Variants in IGF2R observed in about 807,000 individuals in gnomAD.
IGF2R encodes insulin like growth factor 2 receptor.
IGF2R carries 91 observed loss-of-function variants against 270.6 expected under a neutral mutation model. The ratio of observed to expected loss-of-function variants is 0.34; its 90% CI spans 0.28 to 0.40. IGF2R has a LOEUF of 0.40. IGF2R is among the 10% of genes least tolerant of loss of function. The pLI is 1.00. For missense variants in IGF2R, 2,805 were observed against 3,188.3 expected (o/e 0.88, Z 2.90); for synonymous variants, 1,316 against 1,258.9 (o/e 1.05, Z -0.96).
Position 160,090,209 on chromosome 6 carries a change from A to G in IGF2R, c.6655+106A>G. On this transcript the variant is annotated intron_variant, in intron 44 of 47. Transcript: ENST00000356956. Reference sequence around the variant, plus strand: ...GTTGAAATCTCGGACCACTTTTAAAACAAAAACCTTGGTCTAATTCTTTAC... The same window carrying G: ...GTTGAAATCTCGGACCACTTTTAAAGCAAAAACCTTGGTCTAATTCTTTAC... 1.7e-5 allele frequency: 13 copies of G among 754,128 alleles called. No homozygotes were observed. The South Asian group carries it at 3.2e-4, about 18-fold the overall frequency. 46.7% of individuals were successfully genotyped at this position (754,128 alleles called of 1,614,324 possible).
In IGF2R at chr6:160,088,922, C is replaced by T. The variant is rs185534691; in HGVS notation, c.6321-185C>T. Among the ~76,000 whole-genome samples, 7 of 152,328 alleles carry T rather than the reference C, an allele frequency of 4.6e-5. No homozygotes were observed. In the East Asian group the frequency reaches 1.2e-3, roughly 25 times the overall value. The stretch of plus-strand genomic sequence containing the variant: ...CTCCGAGCTGCCGTCAGTGTTGAGT[C>T]GGGAAATTCTGCCTAGGCCTGCGCA... On this transcript the variant is annotated intron_variant, in intron 42 of 47. Coordinates refer to ENST00000356956, the MANE Select transcript of IGF2R (RefSeq NM_000876.4).
At chr6:160,034,627 A>G in intron 10 of IGF2R, 105 bp downstream of exon 10, 2 of 741,006 alleles carry the variant, frequency 2.7e-6, no homozygotes, top group East Asian at 2.6e-5. Context: ...TGGAGGAGTC[A>G]GATGCCCTCC....
At chr6:160,076,855 T>C (rs2115278983) in intron 36 of IGF2R, among the ~76,000 whole-genome samples, 1 of 152,332 alleles carries the variant, frequency 6.6e-6, no homozygotes, top group South Asian at 2.1e-4. Flanking sequence ...GGTGTGAGAA[T>C]TGCCTCTTAA....
chr6:160,060,980 A>G (rs1346384781), intron 23 of IGF2R, among the ~76,000 whole-genome samples: 1 of 152,212 alleles, frequency 6.6e-6, no homozygotes, highest in Non-Finnish European at 1.5e-5. Context: ...AGAACAGAGA[A>G]GAAAATGCAG....
chr6:159,984,415 A>G (rs1229003549), intron 1 of IGF2R, among the ~76,000 whole-genome samples: 1 of 152,134 alleles, frequency 6.6e-6, no homozygotes. Context: ...CTAGGCCTTT[A>G]GGTCCACTCA....
chr6:160,085,064 C>T lies in IGF2R; in HGVS notation c.6138C>T (p.Cys2046=). 1 of 1,614,044 alleles carries T rather than the reference C, an allele frequency of 6.2e-7. No individual in the cohort carries two copies. The highest frequency in any genetic ancestry group is 1.7e-5 in the Admixed American group (1 of 60,022). ...GCTGCTCTGAAAGGGCCAGCATTTG[C>T]AGAAGGACCACAACTGGTGACGTCC... ...PLGCSERASI[C]RRTTTGDVQV... is the part of the protein sequence containing the mutation. Residue 2046 remains cysteine, a synonymous_variant, in exon 41 of 48, where the codon TGC becomes TGT. Transcript: ENST00000356956.
intron 2 of IGF2R, chr6:160,007,384 T>A (rs1405492132): frequency 3.3e-5 from 5 of 152,220 alleles, no homozygotes; most frequent in Non-Finnish European, 1.5e-5. Context: ...TGGCTGACAC[T>A]TGGTATTTAA....
chr6:160,054,199 G>A (rs1378444961), intron 19 of IGF2R, among the ~76,000 whole-genome samples: 1 of 152,208 alleles, frequency 6.6e-6, no homozygotes, highest in African/African-American at 2.4e-5. Context: ...GAACAGGTTA[G>A]TCAAGTATAC....
At chr6:160,099,331 T>TTTATGTTATGTTATGTTATG (rs56981943) in intron 45 of IGF2R, among the ~76,000 whole-genome samples, 73 of 149,138 alleles carry the variant, frequency 4.9e-4, no homozygotes, top group East Asian at 1.6e-3. Context: ...TTTCCTCAGC[T>TTTATGTTATGTTATGTTATG]TTATGTTATG....
chr6:159,987,833 GA>G (rs1783911745), intron 1 of IGF2R, among the ~76,000 whole-genome samples: 1 of 152,362 alleles, frequency 6.6e-6, no homozygotes, highest in South Asian at 2.1e-4. Context: ...AGAACTCTGA[GA>G]TATTGGTGCC....
intron 41 of IGF2R, among the ~76,000 whole-genome samples, chr6:160,085,516 A>T (rs189148460): frequency 6.6e-6 from 1 of 152,370 alleles, no homozygotes; most frequent in East Asian, 1.9e-4. Flanking sequence ...GACTTGGTAC[A>T]GGTAGTTCAG....
At position 160,044,636 on chromosome 6, in the gene IGF2R, A is replaced by G. The variant is rs780666882; in HGVS notation, c.1744A>G (p.Ile582Val). Residue 582 changes from isoleucine to valine, a missense_variant, in exon 13 of 48, where the codon ATC becomes GTC. By Grantham distance (29) the Ile-to-Val change is conservative (BLOSUM62 3). Around this residue, in one of 2 missense-constraint regions of IGF2R, gnomAD observed 954 missense variants for 981.1 expected, o/e 0.97. Coordinates refer to ENST00000356956, the MANE Select transcript of IGF2R (RefSeq NM_000876.4). ...TCATGGCAAGAAAATTAAAACTAAT[A>G]TCACACTTGTATGCAAGCCAGGTAA... ...CGHGKKIKTN[I>V]TLVCKPGDLE... 2.5e-6 allele frequency: 4 copies of G among 1,606,234 alleles called. No homozygotes were observed. Among genetic ancestry groups the G allele is most frequent in the Admixed American group, 1.7e-5 (1 of 58,094 alleles).
rs771883188 is a variant in IGF2R at position 160,073,201 on chromosome 6, C to T, written c.4691-12C>T. On this transcript the variant is annotated splice_polypyrimidine_tract_variant and intron_variant, in intron 33 of 47. Transcript: ENST00000356956. ...GTGATTGTGTTTTCTCCGCCTTTCC[C>T]TTGTGGTGCAGGGGCCTGCTTTGGA... 3.7e-6 allele frequency: 6 copies of T among 1,609,964 alleles called. No homozygotes were observed. In the East Asian group the frequency reaches 6.7e-5, roughly 18 times the overall value.
chr6:160,010,487 T>G (rs906499185), intron 3 of IGF2R, 200 bp from the exon 4 acceptor site: 9 of 485,334 alleles, frequency 1.9e-5, no homozygotes, highest in African/African-American at 1.7e-4. Context: ...AATCCCAACA[T>G]GATTTTATGA....
At chr6:160,080,362 C>A (rs1778952281) in intron 39 of IGF2R, 87 bp downstream of exon 39, 1 of 1,289,574 alleles carries the variant, frequency 7.8e-7, no homozygotes, top group Non-Finnish European at 1.1e-6. Flanking sequence ...TGTGGATGCC[C>A]CAGTCAGTGG....
At chr6:160,014,276 T>A (rs1471306364) in intron 4 of IGF2R, among the ~76,000 whole-genome samples, 2 of 152,216 alleles carry the variant, frequency 1.3e-5, no homozygotes, top group African/African-American at 2.4e-5. Flanking sequence ...TAAAACAGCA[T>A]TAACTCAATG....
intron 4 of IGF2R, among the ~76,000 whole-genome samples, chr6:160,022,020 A>ACACC (rs1554239726): frequency 1.3e-5 from 2 of 151,594 alleles, no homozygotes; most frequent in African/African-American, 2.4e-5. Flanking sequence ...AAGAACACAC[A>ACACC]CACACACACA....
chr6:160,080,383 C>A, intron 39 of IGF2R, 108 bp downstream of exon 39: 1 of 1,104,164 alleles, frequency 9.1e-7, no homozygotes, highest in Non-Finnish European at 1.3e-6. Context: ...CAGGAATTCT[C>A]TTGCATAAAA....
At chr6:160,039,171 C>T (rs1777888112) in intron 10 of IGF2R, among the ~76,000 whole-genome samples, 1 of 152,204 alleles carries the variant, frequency 6.6e-6, no homozygotes, top group Non-Finnish European at 1.5e-5. Context: ...ATGGTATAGC[C>T]TGCTGCACAC....
Sources: gnomAD v4.1 joint callset for allele counts (sites outside exome capture counted in the v4.1 genomes callset) on GRCh38, gnomAD v4.1.1 for gene constraint, gnomAD v4.1.1 regional missense constraint, MANE v1.5 for transcripts, NCBI Gene and HGNC (gene_info 2026-07-23, HGNC 2026-07-21) for gene names.